Variants in GRIA2 observed in about 807,000 individuals in gnomAD.
The protein encoded by GRIA2 is glutamate ionotropic receptor AMPA type subunit 2.
In GRIA2, 14 loss-of-function variants were observed where a neutral mutation model predicts 97.3. The observed-to-expected ratio is 0.14, with a 90% CI of 0.10 to 0.23. GRIA2 has a LOEUF of 0.23. Ranked by LOEUF, GRIA2 falls within the 10% of genes least tolerant of loss-of-function variation. The probability of loss-of-function intolerance (pLI) is 1.00; values close to 1 mark genes in which losing one functional copy is unlikely to be tolerated. For synonymous variants in GRIA2, 412 were observed against 387.8 expected (o/e 1.06, Z -0.73); for missense variants, 558 against 1,069.8 (o/e 0.52, Z 6.67).
chr4:157,320,778 T>C (rs1734525694), intron 5 of GRIA2, among the ~76,000 whole-genome samples: 2 of 152,114 alleles, frequency 1.3e-5, no homozygotes, highest in South Asian at 4.1e-4. Flanking sequence ...AGATATACTA[T>C]CAAGTTGATA....
At chr4:157,233,359 A>G (rs893273820) in intron 2 of GRIA2, among the ~76,000 whole-genome samples, 1 of 152,184 alleles carries the variant, frequency 6.6e-6, no homozygotes, top group Non-Finnish European at 1.5e-5. Flanking sequence ...TCATATTTTT[A>G]GCAGATATTT....
intron 6 of GRIA2, among the ~76,000 whole-genome samples, chr4:157,328,219 A>G (rs1734894067): frequency 6.6e-6 from 1 of 152,072 alleles, no homozygotes; most frequent in Admixed American, 6.6e-5. Context: ...TCTTATTTTC[A>G]TATTTCTTTA....
At chr4:157,252,485 A>G (rs1283255667) in intron 2 of GRIA2, among the ~76,000 whole-genome samples, 1 of 152,166 alleles carries the variant, frequency 6.6e-6, no homozygotes, top group East Asian at 1.9e-4. Flanking sequence ...AGAATTTTGG[A>G]AAAATTGCCT....
intron 2 of GRIA2, among the ~76,000 whole-genome samples, chr4:157,223,398 C>T (rs1002116869): frequency 2.6e-5 from 4 of 151,912 alleles, no homozygotes; most frequent in East Asian, 1.9e-4. Flanking sequence ...GGGTACAGAA[C>T]GAAAGAGAGA....
In GRIA2 at chr4:157,303,570, G is replaced by A; in HGVS notation, c.248G>A (p.Arg83Lys). 6.2e-7 allele frequency: 1 copy of A among 1,613,614 alleles called. No individual in the cohort carries two copies. Among genetic ancestry groups the A allele is most frequent in the Non-Finnish European group, 8.5e-7 (1 of 1,179,634 alleles). ...CTTCTAGTCTGCTCCCAGTTTTCGA[G>A]AGGAGTCTATGCTATTTTTGGATTT... is the stretch of plus-strand genomic sequence containing the variant. ...VTNAFCSQFS[R>K]GVYAIFGFYD... Residue 83 changes from arginine to lysine, a missense_variant, in exon 3 of 16, where the codon AGA becomes AAA. Physicochemically the swap from Arg to Lys is conservative, Grantham distance 26. Around this residue, in one of 8 missense-constraint regions of GRIA2, gnomAD observed 96 missense variants for 176.6 expected, o/e 0.54. Coordinates refer to ENST00000264426, the MANE Select transcript of GRIA2 (RefSeq NM_001083619.3).
chr4:157,316,884 C>T (rs1180664316), intron 4 of GRIA2, among the ~76,000 whole-genome samples: 3 of 152,166 alleles, frequency 2.0e-5, no homozygotes, highest in Non-Finnish European at 4.4e-5. Flanking sequence ...GGCCAGTTTG[C>T]CTATTTCTAC....
chr4:157,337,184 A>C (rs963931716), intron 11 of GRIA2, among the ~76,000 whole-genome samples: 6 of 151,982 alleles, frequency 3.9e-5, no homozygotes, highest in Non-Finnish European at 5.9e-5. Flanking sequence ...TTATTTTCCC[A>C]TCATTAGTTC....
At chr4:157,287,702 G>T (rs1049440330) in intron 2 of GRIA2, among the ~76,000 whole-genome samples, 4 of 151,330 alleles carry the variant, frequency 2.6e-5, no homozygotes, top group African/African-American at 9.7e-5. Context: ...TCGAGTAAGA[G>T]ATTTTTTTTT....
chr4:157,226,820 T>C (rs944997225), intron 2 of GRIA2, among the ~76,000 whole-genome samples: 1 of 152,154 alleles, frequency 6.6e-6, no homozygotes, highest in Non-Finnish European at 1.5e-5. Context: ...TTGGACTTTC[T>C]TAAGCAATGA....
At chr4:157,289,259 A>C (rs1336304374) in intron 2 of GRIA2, among the ~76,000 whole-genome samples, 2 of 151,926 alleles carry the variant, frequency 1.3e-5, no homozygotes, top group African/African-American at 4.8e-5. Context: ...TAAACACATA[A>C]GGACTTATAT....
intron 2 of GRIA2, among the ~76,000 whole-genome samples, chr4:157,297,168 G>A (rs1341353800): frequency 6.6e-6 from 1 of 152,096 alleles, no homozygotes; most frequent in Non-Finnish European, 1.5e-5. Flanking sequence ...CCATATTAAG[G>A]CAATGTCATG....
chr4:157,326,450 G>T (rs1332440845), intron 6 of GRIA2, among the ~76,000 whole-genome samples: 1 of 152,102 alleles, frequency 6.6e-6, no homozygotes, highest in Admixed American at 6.5e-5. Flanking sequence ...CAGGCTCCTA[G>T]AATAAATCCT....
rs948727976 is a variant in GRIA2 at position 157,307,444 on chromosome 4, G to A, written c.469+3653G>A. Among the ~76,000 whole-genome samples, 4 of 152,108 alleles carry A rather than the reference G, an allele frequency of 2.6e-5. No individual in the cohort carries two copies. The South Asian group carries it at 6.2e-4, about 24-fold the overall frequency. The stretch of plus-strand genomic sequence containing the variant: ...AGAGGAGAGCTGAAACTCTGCATCT[G>A]GTGCCAGGTGATCTTTTAGGTTGCT... On this transcript the variant is annotated intron_variant, in intron 3 of 15. Transcript: ENST00000264426.
intron 2 of GRIA2, among the ~76,000 whole-genome samples, chr4:157,237,199 A>G (rs977291004): frequency 5.3e-5 from 8 of 152,076 alleles, no homozygotes; most frequent in Admixed American, 4.6e-4. Flanking sequence ...AAACCTACAG[A>G]ATCCCGTTTT....
chr4:157,296,173 ATAT>A (rs1317350041), intron 2 of GRIA2, among the ~76,000 whole-genome samples: 1 of 152,178 alleles, frequency 6.6e-6, no homozygotes, highest in African/African-American at 2.4e-5. Context: ...AATATTCTAA[ATAT>A]TATATTTTCA....
At chr4:157,304,796 G>A (rs1733767052) in intron 3 of GRIA2, among the ~76,000 whole-genome samples, 2 of 152,094 alleles carry the variant, frequency 1.3e-5, no homozygotes, top group African/African-American at 4.8e-5. Flanking sequence ...GACAAGAAGA[G>A]AGCCAGCCGT....
At chr4:157,334,471 T>A (rs980893991) in intron 9 of GRIA2, 1 of 174,556 alleles carries the variant, frequency 5.7e-6, no homozygotes, top group East Asian at 1.5e-4. Context: ...TTTCCCTTTG[T>A]TACATGATTT....
At chr4:157,322,094 G>T (rs918576204) in intron 6 of GRIA2, among the ~76,000 whole-genome samples, 1 of 151,992 alleles carries the variant, frequency 6.6e-6, no homozygotes, top group African/African-American at 2.4e-5. Context: ...AGAATATTAT[G>T]TTTGCAAATA....
intron 3 of GRIA2, among the ~76,000 whole-genome samples, chr4:157,309,654 C>T (rs936912608): frequency 6.6e-6 from 1 of 152,126 alleles, no homozygotes; most frequent in African/African-American, 2.4e-5. Context: ...TGATTTTATA[C>T]ATCATCTCTA....
Sources: allele counts gnomAD v4.1 joint callset (sites outside exome capture counted in the v4.1 genomes callset), GRCh38; gene constraint gnomAD v4.1.1; regional missense constraint gnomAD v4.1.1; transcripts MANE v1.5; gene names NCBI Gene and HGNC (gene_info 2026-07-23, HGNC 2026-07-21).